The following REST variants were observed in gnomAD, a reference collection of about 807,000 sequenced individuals.
REST encodes RE1-silencing transcription factor.
REST carries 1 observed loss-of-function variant against 30.4 expected under a neutral mutation model. That is an observed-to-expected ratio of 0.03 (90% CI 0.01 to 0.16). REST has a LOEUF of 0.16. Ranked by LOEUF, REST falls within the 10% of genes least tolerant of loss-of-function variation. REST has a pLI of 1.00. For synonymous variants in REST, 504 were observed against 451.1 expected (o/e 1.12, Z -1.49); for missense variants, 1,259 against 1,329.5 (o/e 0.95, Z 0.82).
Position 56,933,228 on chromosome 4 carries a change from C to T in REST, c.*1076C>T, listed in dbSNP as rs192197922. ...GTTTTTTTTTTCATGTGTTTTGGTA[C>T]AGCTAATTCCTAATTGTAGAGTGTT... On this transcript the variant is annotated 3_prime_UTR_variant, in exon 4 of 4. Coordinates refer to ENST00000309042, the MANE Select transcript of REST (RefSeq NM_005612.5). 71 of 151,952 alleles carry T rather than the reference C, an allele frequency of 4.7e-4. No homozygotes were observed. Among genetic ancestry groups the T allele is most frequent in the African/African-American group, 1.7e-3 (71 of 41,430 alleles). The allele number at this position is 151,952 out of a possible 1,614,324, so 9.4% of individuals were successfully genotyped here.
In REST at chr4:56,930,051, C is replaced by T; in HGVS notation, c.1193C>T (p.Ala398Val). Reference protein sequence around the residue: ...QFNCPVCDYAASKKCNLQYHF... With the variant: ...QFNCPVCDYAVSKKCNLQYHF... ...AATTGCCCTGTATGTGACTATGCAG[C>T]TTCCAAGAAGTGTAATCTACAGTAT... is the stretch of plus-strand genomic sequence containing the variant. The change falls in exon 4 of 4, where the codon GCT (alanine) becomes GTT (valine). Residue 398 changes from alanine (A) to valine (V), a missense_variant. Physicochemically the swap from Ala to Val is moderately conservative, Grantham distance 64. Transcript: ENST00000309042. 1 of 1,614,080 alleles carries T rather than the reference C, an allele frequency of 6.2e-7. No individual in the cohort carries two copies. Among genetic ancestry groups the T allele is most frequent in the Non-Finnish European group, 8.5e-7 (1 of 1,179,974 alleles).
chr4:56,924,865 C>T (rs1217664117), intron 3 of REST, among the ~76,000 whole-genome samples: 1 of 152,002 alleles, frequency 6.6e-6, no homozygotes, highest in Non-Finnish European at 1.5e-5. Context: ...TTACTTTTTA[C>T]TTAAAAATTT....
intron 2 of REST, among the ~76,000 whole-genome samples, chr4:56,912,795 A>G (rs1007038412): frequency 6.6e-6 from 1 of 150,772 alleles, no homozygotes; most frequent in Admixed American, 6.6e-5. Context: ...TACAGGCGTG[A>G]GTGCCACCCC....
chr4:56,931,538 C>T lies in REST; in HGVS notation c.2680C>T (p.Leu894Phe), dbSNP rs748529871. The change falls in exon 4 of 4, where the codon CTT (leucine) becomes TTT (phenylalanine). Residue 894 changes from leucine to phenylalanine, a missense_variant. Transcript: ENST00000309042. The part of the protein sequence containing the change: ...NTGEGNKEAP[L>F]QKVGAEEADE... ...AGGTGAAGGAAATAAAGAAGCCCCT[C>T]TTCAGAAAGTAGGAGCAGAAGAGGC... 9.9e-6 allele frequency: 16 copies of T among 1,614,086 alleles called. No individual in the cohort carries two copies. The highest frequency in any genetic ancestry group is 1.7e-5 in the Admixed American group (1 of 59,998).
chr4:56,931,705 G>A lies in REST; in HGVS notation c.2847G>A (p.Met949Ile). Residue 949 changes from methionine (M) to isoleucine (I), a missense_variant, in exon 4 of 4, where the codon ATG (methionine) becomes ATA (isoleucine). Transcript: ENST00000309042. Reference sequence around the variant, plus strand: ...ACAGTATAGTTTGTGAAATGAAAATGGACACTGATCAGAACACAAGAGAGA... The same window carrying A: ...ACAGTATAGTTTGTGAAATGAAAATAGACACTGATCAGAACACAAGAGAGA... ...QTDSIVCEMK[M>I]DTDQNTRENL... 1 of 1,614,226 alleles carries A rather than the reference G, an allele frequency of 6.2e-7. No homozygotes were observed. The highest frequency in any genetic ancestry group is 1.1e-5 in the South Asian group (1 of 91,086).
chr4:56,918,981 C>CTTT (rs1296441743), intron 2 of REST, among the ~76,000 whole-genome samples: 1 of 148,046 alleles, frequency 6.8e-6, no homozygotes, highest in African/African-American at 2.5e-5. Flanking sequence ...TCAGCCCAGG[C>CTTT]TATTTTTTTT....
rs141681332 is a variant in REST at position 56,911,265 on chromosome 4, A to C, written c.627A>C (p.Gly209=). 3.7e-6 allele frequency: 6 copies of C among 1,614,018 alleles called. No individual in the cohort carries two copies. The African/African-American group carries it at 6.7e-5, about 18-fold the overall frequency. Residue 209 remains glycine (G), a synonymous_variant, in exon 2 of 4, where the codon GGA becomes GGC. Coordinates refer to ENST00000309042, the MANE Select transcript of REST (RefSeq NM_005612.5). ...CTGGCTCTTCCACTGCAGAAGAGGG[A>C]GATTTCTCCAAGGGCCCCATTCGCT... ...RESGSSTAEE[G]DFSKGPIRCD...
chr4:56,908,061 C>G lies in REST; in HGVS notation c.-162C>G. 2.8e-6 allele frequency: 1 copy of G among 359,634 alleles called. No individual in the cohort carries two copies. Among genetic ancestry groups the G allele is most frequent in the Non-Finnish European group, 5.0e-6 (1 of 200,352 alleles). 22.3% of individuals were successfully genotyped at this position (359,634 alleles called of 1,614,324 possible). The stretch of plus-strand genomic sequence containing the variant: ...CGGAGGCCTGAGCACCCTCTGCAGC[C>G]CCACTCCTGGGCCTTCTTGGTCCAC... On this transcript the variant is annotated 5_prime_UTR_variant, in exon 1 of 4. Coordinates refer to ENST00000309042, the MANE Select transcript of REST (RefSeq NM_005612.5).
rs773601695 is a variant in REST at position 56,911,151 on chromosome 4, A to G, written c.513A>G (p.Glu171=). ...CATGCCAATATGAAGCAGAATCTGAAGAACAGTTTGTGCATCACATCAGAG... is the reference window on the plus strand; with the variant it reads ...CATGCCAATATGAAGCAGAATCTGAGGAACAGTTTGTGCATCACATCAGAG... ...CKPCQYEAES[E]EQFVHHIRVH... Residue 171 remains glutamate (E), a synonymous_variant, in exon 2 of 4, where the codon GAA becomes GAG. Coordinates refer to ENST00000309042, the MANE Select transcript of REST (RefSeq NM_005612.5). The G allele has an allele frequency of 3.7e-6, 6 of 1,614,118 alleles. No individual in the cohort carries two copies. The African/African-American group carries it at 8.0e-5, about 22-fold the overall frequency.
intron 3 of REST, chr4:56,922,275 T>TGTA (rs1720486201): frequency 7.8e-6 from 1 of 128,446 alleles, no homozygotes; most frequent in Non-Finnish European, 1.6e-5. Context: ...TTGAGAGCTT[T>TGTA]GTATTATTAT....
In REST at chr4:56,930,771, A is replaced by G; in HGVS notation, c.1913A>G (p.Gln638Arg). Residue 638 changes from glutamine to arginine, a missense_variant, in exon 4 of 4, where the codon CAG becomes CGG. Around this residue, in one of 5 missense-constraint regions of REST, gnomAD observed 856 missense variants for 772.8 expected, o/e 1.11. Transcript: ENST00000309042. ...VEPPPPMEHA[Q>R]MEGAQIRPAP... ...CCGCCACCTCCCATGGAGCATGCTC[A>G]GATGGAGGGTGCCCAGATACGGCCT... The G allele has an allele frequency of 6.2e-7, 1 of 1,604,708 alleles. No homozygotes were observed. The highest frequency in any genetic ancestry group is 8.5e-7 in the Non-Finnish European group (1 of 1,176,330).
intron 2 of REST, among the ~76,000 whole-genome samples, chr4:56,915,535 A>G (rs1050415174): frequency 1.3e-5 from 2 of 152,184 alleles, no homozygotes; most frequent in African/African-American, 4.8e-5. Context: ...AGCGTGAGCC[A>G]CCAAACCTGG....
intron 2 of REST, among the ~76,000 whole-genome samples, chr4:56,916,146 A>G (rs529833812): frequency 8.3e-4 from 120 of 145,062 alleles, no homozygotes; most frequent in African/African-American, 2.9e-3. Context: ...ATCTCGACTC[A>G]CTGCAACCTC....
intron 3 of REST, among the ~76,000 whole-genome samples, chr4:56,921,340 G>A (rs995566544): frequency 6.6e-6 from 1 of 152,142 alleles, no homozygotes; most frequent in African/African-American, 2.4e-5. Flanking sequence ...TTAAGCTTTC[G>A]AAACATTAGT....
intron 3 of REST, among the ~76,000 whole-genome samples, chr4:56,921,859 AACTG>A (rs1720465637): frequency 6.6e-6 from 1 of 152,254 alleles, no homozygotes; most frequent in South Asian, 2.1e-4. Flanking sequence ...AATTAATTTT[AACTG>A]TTTCCTTTTT....
Position 56,931,262 on chromosome 4 carries a change from G to A in REST, c.2404G>A (p.Glu802Lys). 6.2e-7 allele frequency: 1 copy of A among 1,614,220 alleles called. No homozygotes were observed. Among genetic ancestry groups the A allele is most frequent in the East Asian group, 2.2e-5 (1 of 44,880 alleles). ...TCAGAGGGAGCCACCTCCTCCCAGAGAGCCTCCCCTTCACATGGAGCCAAT... is the reference window on the plus strand; with the variant it reads ...TCAGAGGGAGCCACCTCCTCCCAGAAAGCCTCCCCTTCACATGGAGCCAAT... ...PAQREPPPPREPPLHMEPISK... is the reference protein window; with the variant it reads ...PAQREPPPPRKPPLHMEPISK... Residue 802 changes from glutamate to lysine, a missense_variant, in exon 4 of 4, where the codon GAG becomes AAG. Glu to Lys is a moderately conservative substitution (Grantham distance 56, BLOSUM62 1). Coordinates refer to ENST00000309042, the MANE Select transcript of REST (RefSeq NM_005612.5).
chr4:56,934,750 C>T lies in REST; in HGVS notation c.*2598C>T, dbSNP rs560470495. 7 of 152,094 alleles carry T rather than the reference C, an allele frequency of 4.6e-5. No homozygotes were observed. The highest frequency in any genetic ancestry group is 1.2e-4 in the African/African-American group (5 of 41,502). The allele number at this position is 152,094 out of a possible 1,614,324, so 9.4% of individuals were successfully genotyped here. A position where few individuals can be genotyped will look rare whatever the true frequency, so the allele number is the denominator to read the frequency against. ...GGATAGAATTTAGCCTAGAATTTTC[C>T]CTTTGGATAAAAGAACAAAAATTGA... On this transcript the variant is annotated 3_prime_UTR_variant, in exon 4 of 4. Transcript: ENST00000309042.
chr4:56,915,242 T>G (rs77343859), intron 2 of REST, among the ~76,000 whole-genome samples: 2 of 45,832 alleles, frequency 4.4e-5, no homozygotes, highest in Non-Finnish European at 1.0e-4. Context: ...GTGTGTGTAT[T>G]TTTTTTTTTT....
chr4:56,922,457 G>A (rs1578502051), intron 3 of REST: 1 of 151,936 alleles, frequency 6.6e-6, no homozygotes, highest in African/African-American at 2.4e-5. Flanking sequence ...GGGATTACAG[G>A]CATGTGCCAC....
Sources: gnomAD v4.1 joint callset for allele counts (sites outside exome capture counted in the v4.1 genomes callset) on GRCh38, gnomAD v4.1.1 for gene constraint, gnomAD v4.1.1 regional missense constraint, MANE v1.5 for transcripts, NCBI Gene and HGNC (gene_info 2026-07-23, HGNC 2026-07-21) for gene names.